OR1I1: variants seen among roughly 807,000 people sequenced by gnomAD.
OR1I1 encodes olfactory receptor 1I1.
For missense variants in OR1I1, 451 were observed against 443.6 expected (o/e 1.02, Z -0.15); for synonymous variants, 171 against 181.4 (o/e 0.94, Z 0.46).
chr19:15,083,306 G>A (rs892231458), intron 1 of OR1I1, among the ~76,000 whole-genome samples: 1 of 152,004 alleles, frequency 6.6e-6, no homozygotes, highest in African/African-American at 2.4e-5. Context: ...TTGTCTGCCA[G>A]GCTGGTCTTG....
At position 15,088,606 on chromosome 19, in the gene OR1I1, T is replaced by A. The variant is rs2046241301; in HGVS notation, c.*473T>A. 5.7e-6 allele frequency: 1 copy of A among 175,398 alleles called. No homozygotes were observed. The highest frequency in any genetic ancestry group is 1.2e-5 in the Non-Finnish European group (1 of 83,574). The allele number at this position is 175,398 out of a possible 1,614,324, so 10.9% of individuals were successfully genotyped here. ...AGGAGTTCAAGGTTGCAGTGAGCTA[T>A]GACTGCACCACTGCACTTCAGCAGT... is the stretch of plus-strand genomic sequence containing the variant. On this transcript the variant is annotated 3_prime_UTR_variant, in exon 2 of 2. Coordinates refer to ENST00000641398, the MANE Select transcript of OR1I1 (RefSeq NM_001004713.2).
At chr19:15,086,406 G>C (rs1306139191) in intron 1 of OR1I1, among the ~76,000 whole-genome samples, 1 of 152,048 alleles carries the variant, frequency 6.6e-6, no homozygotes, top group African/African-American at 2.4e-5. Flanking sequence ...TTACTGTATA[G>C]AGTTTTTGTT....
rs36044069 is a variant in OR1I1 at position 15,091,828 on chromosome 19, C to CAAAAAAAAA, written c.*3713_*3721dup. The CAAAAAAAAA allele has an allele frequency of 1.2e-5, 1 of 81,012 alleles. No individual in the cohort carries two copies. Among genetic ancestry groups the CAAAAAAAAA allele is most frequent in the African/African-American group, 6.0e-5 (1 of 16,678 alleles). The allele number at this position is 81,012 out of a possible 1,614,324, so 5.0% of individuals were successfully genotyped here. On this transcript the variant is annotated 3_prime_UTR_variant, in exon 2 of 2. Coordinates refer to ENST00000641398, the MANE Select transcript of OR1I1 (RefSeq NM_001004713.2). ...TGGGTGACAGAGCGAGACTCTGTCT[C>CAAAAAAAAA]AAAAAAAAAAAAAAAAAAAAAAAAA...
Position 15,090,001 on chromosome 19 carries a change from G to A in OR1I1, c.*1868G>A, listed in dbSNP as rs1485706780. ...TACGACTGGCGTCCTTATGAAAAGG[G>A]GAGATTTGGACACAGGCACCCACAC... On this transcript the variant is annotated 3_prime_UTR_variant, in exon 2 of 2. Coordinates refer to ENST00000641398, the MANE Select transcript of OR1I1 (RefSeq NM_001004713.2). 6.6e-6 allele frequency: 1 copy of A among 151,962 alleles called. No individual in the cohort carries two copies. Among genetic ancestry groups the A allele is most frequent in the Non-Finnish European group, 1.5e-5 (1 of 68,040 alleles). 9.4% of individuals were successfully genotyped at this position (151,962 alleles called of 1,614,324 possible).
chr19:15,085,684 A>G (rs980192628), intron 1 of OR1I1, among the ~76,000 whole-genome samples: 2 of 151,622 alleles, frequency 1.3e-5, no homozygotes, highest in African/African-American at 4.8e-5. Flanking sequence ...ATATCTCCCT[A>G]ACACCCACCT....
Position 15,085,163 on chromosome 19 carries a change from TATATA to T in OR1I1, c.-13-1889_-13-1885del, listed in dbSNP as rs1198230488. On this transcript the variant is annotated intron_variant, in intron 1 of 1. Coordinates refer to ENST00000641398, the MANE Select transcript of OR1I1 (RefSeq NM_001004713.2). Reference sequence around the variant, plus strand: ...ATATATATATATATATATATATATATATATATATATATATTTTTTTTTTTGAGACA... The same window carrying T: ...ATATATATATATATATATATATATATTATATATATTTTTTTTTTTGAGACA... Among the ~76,000 whole-genome samples, 153 of 49,040 alleles carry T rather than the reference TATATA, an allele frequency of 3.1e-3. 10 individuals carry two copies. The highest frequency in any genetic ancestry group is 6.6e-3 in the South Asian group (9 of 1,364). The allele number at this position is 49,040 out of a possible 152,430, so 32.2% of individuals were successfully genotyped here.
At position 15,090,207 on chromosome 19, in the gene OR1I1, T is replaced by C. The variant is rs2046251185; in HGVS notation, c.*2074T>C. On this transcript the variant is annotated 3_prime_UTR_variant, in exon 2 of 2. Coordinates refer to ENST00000641398, the MANE Select transcript of OR1I1 (RefSeq NM_001004713.2). ...CTGCTGACAACTGATCTTTTTTTTT[T>C]TTTTTTTTTTTTGAGACGGAGTCTT... 6.7e-6 allele frequency: 1 copy of C among 148,966 alleles called. No homozygotes were observed. The highest frequency in any genetic ancestry group is 1.5e-5 in the Non-Finnish European group (1 of 67,450). 9.2% of individuals were successfully genotyped at this position (148,966 alleles called of 1,614,324 possible).
At position 15,089,935 on chromosome 19, in the gene OR1I1, A is replaced by C. The variant is rs1568323319; in HGVS notation, c.*1802A>C. 2 of 152,190 alleles carry C rather than the reference A, an allele frequency of 1.3e-5. No homozygotes were observed. Among genetic ancestry groups the C allele is most frequent in the Admixed American group, 6.6e-5 (1 of 15,258 alleles). 9.4% of individuals were successfully genotyped at this position (152,190 alleles called of 1,614,324 possible). ...TGAAGATAGGGTGTTTACAGAGGTC[A>C]TTAGATTACAGTAAGGTCATTAGGT... On this transcript the variant is annotated 3_prime_UTR_variant, in exon 2 of 2. Transcript: ENST00000641398.
chr19:15,088,285 GAGGATCAGCCTTTT>G lies in OR1I1; in HGVS notation c.*158_*171del, dbSNP rs2046240265. ...AACTGGCCTGAAATTAGCCCTCCTGGAGGATCAGCCTTTTAGGATTGCTATGTGAATAAGAGTAG... is the reference window on the plus strand; with the variant it reads ...AACTGGCCTGAAATTAGCCCTCCTGGAGGATTGCTATGTGAATAAGAGTAG... On this transcript the variant is annotated 3_prime_UTR_variant, in exon 2 of 2. Transcript: ENST00000641398. 8.0e-6 allele frequency: 7 copies of G among 875,116 alleles called. No homozygotes were observed. The South Asian group carries it at 1.1e-4, about 14-fold the overall frequency. 54.2% of individuals were successfully genotyped at this position (875,116 alleles called of 1,614,324 possible). A position where few individuals can be genotyped will look rare whatever the true frequency, so the allele number is the denominator to read the frequency against.
chr19:15,085,172 ATATATT>A (rs1166792767), intron 1 of OR1I1, among the ~76,000 whole-genome samples: 11 of 30,214 alleles, frequency 3.6e-4, no homozygotes, highest in East Asian at 1.3e-3. Flanking sequence ...ATATATATAT[ATATATT>A]TTTTTTTTTG....
intron 1 of OR1I1, among the ~76,000 whole-genome samples, chr19:15,085,131 T>TTC (rs2046223300): frequency 7.4e-4 from 4 of 5,426 alleles, no homozygotes; most frequent in Admixed American, 6.7e-3. Context: ...ATTTTTGACT[T>TTC]ATATATATAT....
rs1203352421 is a variant in OR1I1, at chr19:15,092,822, CT to C, written c.*4690del. On this transcript the variant is annotated 3_prime_UTR_variant, in exon 2 of 2. Coordinates refer to ENST00000641398, the MANE Select transcript of OR1I1 (RefSeq NM_001004713.2). The stretch of plus-strand genomic sequence containing the variant: ...ACTGGAGTGGGCAACATAGTGAGAC[CT>C]CCCCCATCTCTACAAAAATTTTTTA... The C allele has an allele frequency of 6.6e-6, 1 of 151,944 alleles. No homozygotes were observed. Among genetic ancestry groups the C allele is most frequent in the Non-Finnish European group, 1.5e-5 (1 of 68,016 alleles). The allele number at this position is 151,944 out of a possible 1,614,324, so 9.4% of individuals were successfully genotyped here. A position where few individuals can be genotyped will look rare whatever the true frequency, so the allele number is the denominator to read the frequency against.
rs2046241382 is a variant in OR1I1 at position 15,088,642 on chromosome 19, G to A, written c.*509G>A. 2 of 162,058 alleles carry A rather than the reference G, an allele frequency of 1.2e-5. No individual in the cohort carries two copies. The highest frequency in any genetic ancestry group is 4.8e-5 in the African/African-American group (2 of 41,372). The allele number at this position is 162,058 out of a possible 1,614,324, so 10.0% of individuals were successfully genotyped here. On this transcript the variant is annotated 3_prime_UTR_variant, in exon 2 of 2. Coordinates refer to ENST00000641398, the MANE Select transcript of OR1I1 (RefSeq NM_001004713.2). ...CTGCACTTCAGCAGTTTGGGAAACT[G>A]AGCAAGATCTGTCACTCATAGGTAG...
rs2046253430 is a variant in OR1I1 at position 15,090,798 on chromosome 19, C to T, written c.*2665C>T. The T allele has an allele frequency of 6.6e-6, 1 of 152,444 alleles. No individual in the cohort carries two copies. Among genetic ancestry groups the T allele is most frequent in the Non-Finnish European group, 1.5e-5 (1 of 68,162 alleles). 9.4% of individuals were successfully genotyped at this position (152,444 alleles called of 1,614,324 possible). A position where few individuals can be genotyped will look rare whatever the true frequency, so the allele number is the denominator to read the frequency against. On this transcript the variant is annotated 3_prime_UTR_variant, in exon 2 of 2. Transcript: ENST00000641398. Reference sequence around the variant, plus strand: ...AGAGACAGGGTCTCACTATGTTGCCCAGGCTGGTCTCAAACTCCCGGCCTC... The same window carrying T: ...AGAGACAGGGTCTCACTATGTTGCCTAGGCTGGTCTCAAACTCCCGGCCTC...
Position 15,088,295 on chromosome 19 carries a change from C to A in OR1I1, c.*162C>A. 5 of 776,252 alleles carry A rather than the reference C, an allele frequency of 6.4e-6. No homozygotes were observed. Among genetic ancestry groups the A allele is most frequent in the Non-Finnish European group, 9.9e-6 (5 of 502,746 alleles). 48.1% of individuals were successfully genotyped at this position (776,252 alleles called of 1,614,324 possible). A position where few individuals can be genotyped will look rare whatever the true frequency, so the allele number is the denominator to read the frequency against. ...AAATTAGCCCTCCTGGAGGATCAGC[C>A]TTTTAGGATTGCTATGTGAATAAGA... On this transcript the variant is annotated 3_prime_UTR_variant, in exon 2 of 2. Transcript: ENST00000641398.
At chr19:15,083,344 C>T (rs1239131338) in intron 1 of OR1I1, among the ~76,000 whole-genome samples, 1 of 152,166 alleles carries the variant, frequency 6.6e-6, no homozygotes, top group Non-Finnish European at 1.5e-5. Flanking sequence ...AATTCTCCCA[C>T]TTCAGCCTCC....
At position 15,087,538 on chromosome 19, in the gene OR1I1, T is replaced by C. The variant is rs766545469; in HGVS notation, c.473T>C (p.Ile158Thr). ...SWMITNLQSL[I>T]HTCLMAQLTF... ...ATGATCACCAACCTCCAGTCTCTCA[T>C]ACACACCTGCCTCATGGCTCAACTG... Residue 158 changes from isoleucine (I) to threonine (T), a missense_variant, in exon 2 of 2, where the codon ATA becomes ACA. Coordinates refer to ENST00000641398, the MANE Select transcript of OR1I1 (RefSeq NM_001004713.2). 3.1e-6 allele frequency: 5 copies of C among 1,614,148 alleles called. No individual in the cohort carries two copies. In the Admixed American group the frequency reaches 5.0e-5, roughly 16 times the overall value.
At chr19:15,085,157 T>C (rs1411121506) in intron 1 of OR1I1, among the ~76,000 whole-genome samples, 1 of 41,226 alleles carries the variant, frequency 2.4e-5, no homozygotes, top group Non-Finnish European at 4.5e-5. Flanking sequence ...TATATATATA[T>C]ATATATATAT....
chr19:15,087,879 A>C lies in OR1I1; in HGVS notation c.814A>C (p.Lys272Gln). Residue 272 changes from lysine (K) to glutamine (Q), a missense_variant, in exon 2 of 2, where the codon AAG becomes CAG. By Grantham distance (53) the Lys-to-Gln change is moderately conservative. Coordinates refer to ENST00000641398, the MANE Select transcript of OR1I1 (RefSeq NM_001004713.2). ...PTSPSSSQKD[K>Q]AAALMCGVFI... ...ATCCCCCAGCTCCTCCCAGAAGGACAAGGCAGCCGCCCTAATGTGTGGGGT... is the reference window on the plus strand; with the variant it reads ...ATCCCCCAGCTCCTCCCAGAAGGACCAGGCAGCCGCCCTAATGTGTGGGGT... 6.2e-7 allele frequency: 1 copy of C among 1,614,230 alleles called. No individual in the cohort carries two copies. The highest frequency in any genetic ancestry group is 8.5e-7 in the Non-Finnish European group (1 of 1,180,044).
Sources: allele counts gnomAD v4.1 joint callset (sites outside exome capture counted in the v4.1 genomes callset), GRCh38; gene constraint gnomAD v4.1.1; transcripts MANE v1.5; gene names NCBI Gene and HGNC (gene_info 2026-07-23, HGNC 2026-07-21).